LIN54: variants seen among roughly 807,000 people sequenced by gnomAD.
The protein encoded by LIN54 is protein lin-54 homolog.
In LIN54, 9 loss-of-function variants were observed where a neutral mutation model predicts 78.7. The ratio of observed to expected loss-of-function variants is 0.11; its 90% CI spans 0.07 to 0.20. The LOEUF (loss-of-function observed/expected upper bound fraction) is 0.20. Ranked by LOEUF, LIN54 falls within the 10% of genes least tolerant of loss-of-function variation. The probability of loss-of-function intolerance (pLI) is 1.00; values close to 1 mark genes in which losing one functional copy is unlikely to be tolerated. For synonymous variants in LIN54, 269 were observed against 318.4 expected (o/e 0.84, Z 1.65); for missense variants, 573 against 889.9 (o/e 0.64, Z 4.53).
At chr4:82,985,541 C>A (rs576149346) in intron 1 of LIN54, among the ~76,000 whole-genome samples, 29 of 152,282 alleles carry the variant, frequency 1.9e-4, no homozygotes, top group Non-Finnish European at 3.2e-4. Flanking sequence ...TACTTACTTA[C>A]TTAATTAATT....
intron 4 of LIN54, among the ~76,000 whole-genome samples, chr4:82,968,890 G>T (rs1725430150): frequency 6.6e-6 from 1 of 152,156 alleles, no homozygotes; most frequent in Admixed American, 6.6e-5. Flanking sequence ...CACTTAAAGA[G>T]CTTTGTAAAA....
Position 82,970,293 on chromosome 4 carries a change from A to G in LIN54, c.951+34T>C, listed in dbSNP as rs776028638. ...TAAGAAAATAAAGGCATCAACCACA[A>G]TATTTGGTATTTGTGGCTAATTTAT... On this transcript the variant is annotated intron_variant, in intron 4 of 12. Coordinates refer to ENST00000340417, the MANE Select transcript of LIN54 (RefSeq NM_194282.4). 4 of 1,592,346 alleles carry G rather than the reference A, an allele frequency of 2.5e-6. No homozygotes were observed. The South Asian group carries it at 4.6e-5, about 18-fold the overall frequency.
At chr4:83,009,991 A>G (rs1729722489) in intron 1 of LIN54, among the ~76,000 whole-genome samples, 1 of 152,244 alleles carries the variant, frequency 6.6e-6, no homozygotes, top group Non-Finnish European at 1.5e-5. Context: ...GCAGGGGCAA[A>G]GAGGTTAGTT....
intron 4 of LIN54, among the ~76,000 whole-genome samples, chr4:82,955,369 A>AAATAACATAACATAACATAAC (rs1553950442): frequency 1.4e-5 from 2 of 138,404 alleles, no homozygotes; most frequent in South Asian, 2.4e-4. Context: ...ATCTCAAAAA[A>AAATAACATAACATAACATAAC]ATAACATAAC....
In LIN54 at chr4:82,939,618, G is replaced by A. The variant is rs765037650; in HGVS notation, c.1361C>T (p.Pro454Leu). The A allele has an allele frequency of 1.2e-6, 2 of 1,614,230 alleles. No individual in the cohort carries two copies. The highest frequency in any genetic ancestry group is 1.7e-6 in the Non-Finnish European group (2 of 1,180,032). ...PQIQPNLTNL[P>L]PGTVLAPAPG... The stretch of plus-strand genomic sequence containing the variant: ...AGCTGGTGCCAGGACAGTGCCTGGT[G>A]GCAGGTTAGTGAGGTTGGGCTGGAT... The change falls in exon 7 of 13, where the codon CCA (proline) becomes CTA (leucine). Residue 454 changes from proline (P) to leucine (L), a missense_variant. Physicochemically the swap from Pro to Leu is moderately conservative, Grantham distance 98. This residue lies in a region of LIN54 where 101 missense variants were observed against 194.2 expected (regional missense o/e 0.52). Coordinates refer to ENST00000340417, the MANE Select transcript of LIN54 (RefSeq NM_194282.4).
chr4:82,941,633 CTGATCTGGAG>C (rs766060243), intron 5 of LIN54, among the ~76,000 whole-genome samples: 2 of 152,080 alleles, frequency 1.3e-5, no homozygotes, highest in Non-Finnish European at 2.9e-5. Context: ...AAATGAGGGT[CTGATCTGGAG>C]TGATCTGGAG....
chr4:83,001,961 AGG>A lies in LIN54; in HGVS notation c.-33+8521_-33+8522del, dbSNP rs1475599161. Among the ~76,000 whole-genome samples the A allele has an allele frequency of 3.1e-4, 29 of 94,916 alleles. 10 individuals carry two copies. The highest frequency in any genetic ancestry group is 3.4e-4 in the East Asian group (1 of 2,984). 62.3% of individuals were successfully genotyped at this position (94,916 alleles called of 152,430 possible). ...AAGGAAGGAAGGAAGGAAGGAAGGA[AGG>A]AAGGAAGGAAGGAAGGGAGGGATCT... On this transcript the variant is annotated intron_variant, in intron 1 of 12. Coordinates refer to ENST00000340417, the MANE Select transcript of LIN54 (RefSeq NM_194282.4).
rs1380534098 is a variant in LIN54 at position 82,924,796 on chromosome 4, T to C, written c.*3306A>G. On this transcript the variant is annotated 3_prime_UTR_variant, in exon 13 of 13. Coordinates refer to ENST00000340417, the MANE Select transcript of LIN54 (RefSeq NM_194282.4). ...AACTCCAATAGAAAGGGATTTTTAG[T>C]TGATTGCCTTCCCTTCTGCTTTGGG... The C allele has an allele frequency of 6.6e-6, 1 of 152,442 alleles. No individual in the cohort carries two copies. The highest frequency in any genetic ancestry group is 1.5e-5 in the Non-Finnish European group (1 of 68,028). The allele number at this position is 152,442 out of a possible 1,614,324, so 9.4% of individuals were successfully genotyped here.
chr4:82,931,268 A>T, intron 11 of LIN54, 123 bp from the exon 12 acceptor site: 1 of 723,394 alleles, frequency 1.4e-6, no homozygotes, highest in Admixed American at 2.3e-5. Flanking sequence ...GATTAGATGG[A>T]AGTATCTCTG....
intron 1 of LIN54, among the ~76,000 whole-genome samples, chr4:82,992,708 C>T (rs979791469): frequency 5.3e-5 from 8 of 152,070 alleles, no homozygotes; most frequent in South Asian, 2.1e-4. Flanking sequence ...GCATGCACCA[C>T]GATGCCTGGC....
intron 12 of LIN54, among the ~76,000 whole-genome samples, chr4:82,930,054 T>G (rs907083348): frequency 6.6e-6 from 1 of 151,930 alleles, no homozygotes; most frequent in African/African-American, 2.4e-5. Flanking sequence ...CACACCACCA[T>G]GCCCAGCTAA....
intron 4 of LIN54, among the ~76,000 whole-genome samples, chr4:82,969,604 T>C (rs1274735933): frequency 6.6e-6 from 1 of 152,252 alleles, no homozygotes; most frequent in Non-Finnish European, 1.5e-5. Flanking sequence ...ACGTTTGTTC[T>C]ATTTATGAAC....
At chr4:82,973,780 G>A (rs1002082117) in intron 3 of LIN54, among the ~76,000 whole-genome samples, 9 of 152,116 alleles carry the variant, frequency 5.9e-5, no homozygotes, top group South Asian at 2.1e-4. Flanking sequence ...TGTATTTACC[G>A]AAGATCATAG....
intron 3 of LIN54, among the ~76,000 whole-genome samples, chr4:82,978,516 C>G (rs1726356825): frequency 6.6e-6 from 1 of 152,136 alleles, no homozygotes; most frequent in Non-Finnish European, 1.5e-5. Flanking sequence ...TCCACACTGG[C>G]AAAACGGGAA....
intron 4 of LIN54, among the ~76,000 whole-genome samples, chr4:82,958,265 G>A (rs188654242): frequency 1.3e-5 from 2 of 152,270 alleles, no homozygotes; most frequent in Non-Finnish European, 2.9e-5. Context: ...TTATTCTACA[G>A]ACTGCTTGCT....
chr4:82,936,548 C>A (rs1175648498), intron 9 of LIN54, among the ~76,000 whole-genome samples, 167 bp from the exon 10 acceptor site: 1 of 152,176 alleles, frequency 6.6e-6, no homozygotes, highest in Admixed American at 6.5e-5. Flanking sequence ...ATATTGTCAA[C>A]CACATACTAA....
At chr4:82,970,877 G>A (rs1048109112) in intron 3 of LIN54, among the ~76,000 whole-genome samples, 1 of 152,042 alleles carries the variant, frequency 6.6e-6, no homozygotes, top group Non-Finnish European at 1.5e-5. Context: ...AACCATGAAG[G>A]TACAATTGAA....
chr4:82,932,240 A>G (rs1430561974), intron 11 of LIN54, among the ~76,000 whole-genome samples: 17 of 150,604 alleles, frequency 1.1e-4, no homozygotes, highest in East Asian at 9.9e-4. Flanking sequence ...GACTACAGGC[A>G]CCCGCCACCA....
At chr4:82,979,105 C>G in intron 2 of LIN54, 99 bp from the exon 3 acceptor site, 1 of 875,710 alleles carries the variant, frequency 1.1e-6, no homozygotes, top group Non-Finnish European at 1.7e-6. Context: ...ACATGTAAAA[C>G]CAGCTCACTT....
Sources: allele counts gnomAD v4.1 joint callset (sites outside exome capture counted in the v4.1 genomes callset), GRCh38; gene constraint gnomAD v4.1.1; regional missense constraint gnomAD v4.1.1; transcripts MANE v1.5; gene names NCBI Gene and HGNC (gene_info 2026-07-23, HGNC 2026-07-21).